PDIA5: variants seen among roughly 807,000 people sequenced by gnomAD.
The protein encoded by PDIA5 is protein disulfide isomerase family A member 5.
A neutral mutation model predicts 77.6 loss-of-function variants in PDIA5; 58 were observed. The observed-to-expected ratio is 0.75, with a 90% CI of 0.61 to 0.93. PDIA5 has a LOEUF of 0.93. Among genes scored for constraint, PDIA5 ranks in the 40% least tolerant of loss-of-function variants. PDIA5 has a pLI of 0.00. For missense variants in PDIA5, 630 were observed against 647.7 expected, an observed-to-expected ratio of 0.97 and a Z score of 0.30; for synonymous variants, 250 against 252.1, an observed-to-expected ratio of 0.99 and a Z score of 0.08.
At chr3:123,113,910 T>C (rs1934930230) in intron 7 of PDIA5, among the ~76,000 whole-genome samples, 1 of 152,216 alleles carries the variant, frequency 6.6e-6, no homozygotes, top group Non-Finnish European at 1.5e-5. Flanking sequence ...GAATGATAAT[T>C]AGTCTTACCT....
intron 11 of PDIA5, among the ~76,000 whole-genome samples, chr3:123,144,013 G>A (rs3792392): frequency 0.18 from 27,723 of 152,140 alleles, 2,971 homozygotes; most frequent in South Asian, 0.28. Context: ...GACAGGGTGA[G>A]GATGAGCTGA....
chr3:123,100,789 G>C (rs892184683), intron 3 of PDIA5, among the ~76,000 whole-genome samples: 10 of 152,264 alleles, frequency 6.6e-5, no homozygotes, highest in African/African-American at 2.4e-4. Context: ...ATTGAGCTGA[G>C]TGGTTTAATT....
chr3:123,089,202 T>C lies in PDIA5; in HGVS notation c.77T>C (p.Val26Ala), dbSNP rs1934220697. The change falls in exon 2 of 17, where the codon GTC (valine) becomes GCC (alanine). Residue 26 changes from valine (V) to alanine (A), a missense_variant. Val to Ala is a moderately conservative substitution (Grantham distance 64). Transcript: ENST00000316218. ...CCATCATGGCTGTCCTCTGCAAAGG[T>C]CTCCTCGCTCATTGAGAGAATCTCT... ...VLPSWLSSAK[V>A]SSLIERISDP... 4 of 1,613,902 alleles carry C rather than the reference T, an allele frequency of 2.5e-6. No individual in the cohort carries two copies. In the South Asian group the frequency reaches 4.4e-5, roughly 18 times the overall value.
intron 3 of PDIA5, among the ~76,000 whole-genome samples, chr3:123,094,700 G>A (rs371384505): frequency 2.0e-5 from 3 of 152,236 alleles, no homozygotes; most frequent in East Asian, 1.9e-4. Flanking sequence ...GCTGTCTGCC[G>A]AGGAACGAGT....
chr3:123,094,072 TAG>T (rs1934370394), intron 3 of PDIA5, among the ~76,000 whole-genome samples: 1 of 152,222 alleles, frequency 6.6e-6, no homozygotes, highest in Non-Finnish European at 1.5e-5. Flanking sequence ...ACATGATGTC[TAG>T]AGTCAATAAA....
intron 7 of PDIA5, among the ~76,000 whole-genome samples, chr3:123,112,945 C>A (rs1363972381): frequency 1.3e-5 from 2 of 152,180 alleles, no homozygotes; most frequent in African/African-American, 4.8e-5. Context: ...CTGTGCTTAC[C>A]TTTGGGATGA....
intron 8 of PDIA5, among the ~76,000 whole-genome samples, chr3:123,119,548 G>A (rs1365414300): frequency 6.6e-6 from 1 of 152,316 alleles, no homozygotes; most frequent in East Asian, 1.9e-4. Flanking sequence ...ACATAAAGAG[G>A]GAAGGGCCCT....
chr3:123,124,385 G>A (rs1935194917), intron 10 of PDIA5, 42 bp downstream of exon 10: 3 of 1,458,042 alleles, frequency 2.1e-6, no homozygotes, highest in South Asian at 1.1e-5. Context: ...GGACCCAGAG[G>A]GCGGGGCATC....
intron 1 of PDIA5, among the ~76,000 whole-genome samples, chr3:123,081,558 AAATT>A (rs1934003435): frequency 6.6e-6 from 1 of 152,248 alleles, no homozygotes; most frequent in Admixed American, 6.5e-5. Flanking sequence ...GGGTTAAACT[AAATT>A]AAACCTGTTT....
chr3:123,125,899 T>C (rs931384480), intron 10 of PDIA5, among the ~76,000 whole-genome samples: 5 of 152,146 alleles, frequency 3.3e-5, no homozygotes, highest in Non-Finnish European at 5.9e-5. Context: ...GGCCTTTGCT[T>C]TCCTGTTTTC....
At chr3:123,155,133 G>A (rs1935991870) in intron 15 of PDIA5, 92 bp downstream of exon 15, 4 of 884,510 alleles carry the variant, frequency 4.5e-6, no homozygotes, top group African/African-American at 1.6e-5. Flanking sequence ...AACAGGGGCA[G>A]GTCTGCTAAG....
Position 123,124,110 on chromosome 3 carries a change from C to G in PDIA5, c.654C>G (p.Ile218Met), listed in dbSNP as rs1162313180. The stretch of plus-strand genomic sequence containing the variant: ...TCTACTCCTCTGAATTTGAAAACAT[C>G]AAGGAGGAGTACAGCGTGCGCGGCT... ...MNVYSSEFEN[I>M]KEEYSVRGFP... is the part of the protein sequence containing the mutation. Residue 218 changes from isoleucine to methionine, a missense_variant, in exon 9 of 17, where the codon ATC (isoleucine) becomes ATG (methionine). Ile to Met is a conservative substitution (Grantham distance 10, BLOSUM62 1). Transcript: ENST00000316218. 1.2e-6 allele frequency: 2 copies of G among 1,613,932 alleles called. No individual in the cohort carries two copies. Among genetic ancestry groups the G allele is most frequent in the Non-Finnish European group, 1.7e-6 (2 of 1,179,946 alleles).
chr3:123,096,904 C>T (rs910518148), intron 3 of PDIA5, among the ~76,000 whole-genome samples: 1 of 152,226 alleles, frequency 6.6e-6, no homozygotes, highest in Non-Finnish European at 1.5e-5. Context: ...TGAGCTGGAG[C>T]CAGCATGGAG....
At chr3:123,067,515 G>C (rs561031489) in intron 1 of PDIA5, 4 of 353,534 alleles carry the variant, frequency 1.1e-5, no homozygotes, top group South Asian at 3.0e-4. Context: ...ACAGCCGGTC[G>C]GGCAGGACGC....
At chr3:123,147,162 G>A (rs1419122178) in intron 13 of PDIA5, among the ~76,000 whole-genome samples, 2 of 152,042 alleles carry the variant, frequency 1.3e-5, no homozygotes, top group Non-Finnish European at 2.9e-5. Flanking sequence ...ATGTTGGCAG[G>A]GTTGGTTTCT....
chr3:123,070,942 GT>G (rs1933709175), intron 1 of PDIA5, among the ~76,000 whole-genome samples: 1 of 151,778 alleles, frequency 6.6e-6, no homozygotes, highest in Admixed American at 6.6e-5. Flanking sequence ...GTATTTTTTT[GT>G]TTGTTTGTTT....
intron 3 of PDIA5, among the ~76,000 whole-genome samples, chr3:123,094,200 T>C (rs1234123822): frequency 6.6e-6 from 1 of 152,276 alleles, no homozygotes; most frequent in East Asian, 1.9e-4. Context: ...CTATTCCATG[T>C]AGTTGCCTCG....
At position 123,162,099 on chromosome 3, in the gene PDIA5, C is replaced by G. The variant is rs890069652; in HGVS notation, c.*139C>G. On this transcript the variant is annotated 3_prime_UTR_variant, in exon 17 of 17. Transcript: ENST00000316218. ...GTACAATTTTGAAATAAAATTAAAC[C>G]ATTTATTTGGTGGTATGGTTTATTT... The G allele has an allele frequency of 1.5e-6, 1 of 654,364 alleles. No homozygotes were observed. The highest frequency in any genetic ancestry group is 2.7e-6 in the Non-Finnish European group (1 of 363,700). 40.5% of individuals were successfully genotyped at this position (654,364 alleles called of 1,614,324 possible).
At position 123,162,095 on chromosome 3, in the gene PDIA5, A is replaced by G. The variant is rs1936174165; in HGVS notation, c.*135A>G. The G allele has an allele frequency of 1.5e-6, 1 of 666,452 alleles. No homozygotes were observed. Among genetic ancestry groups the G allele is most frequent in the Non-Finnish European group, 2.7e-6 (1 of 370,238 alleles). The allele number at this position is 666,452 out of a possible 1,614,324, so 41.3% of individuals were successfully genotyped here. A position where few individuals can be genotyped will look rare whatever the true frequency, so the allele number is the denominator to read the frequency against. On this transcript the variant is annotated 3_prime_UTR_variant, in exon 17 of 17. Transcript: ENST00000316218. ...TTTTGTACAATTTTGAAATAAAATT[A>G]AACCATTTATTTGGTGGTATGGTTT...
Sources: gnomAD v4.1 joint callset for allele counts (sites outside exome capture counted in the v4.1 genomes callset) on GRCh38, gnomAD v4.1.1 for gene constraint, MANE v1.5 for transcripts, NCBI Gene and HGNC (gene_info 2026-07-23, HGNC 2026-07-21) for gene names.